The following SORCS1 variants were observed in gnomAD, a reference collection of about 807,000 sequenced individuals.
SORCS1 encodes the protein sortilin related VPS10 domain containing receptor 1, also known as VPS10 domain-containing receptor SorCS1.
SORCS1 carries 60 observed loss-of-function variants against 146.1 expected under a neutral mutation model. The ratio of observed to expected loss-of-function variants is 0.41; its 90% CI spans 0.33 to 0.51. SORCS1 has a LOEUF of 0.51. Ranked by LOEUF, SORCS1 falls within the 20% of genes least tolerant of loss-of-function variation. The pLI is 0.21. For missense variants in SORCS1, 1,352 were observed against 1,487.6 expected, an observed-to-expected ratio of 0.91 and a Z score of 1.50; for synonymous variants, 637 against 584.0, an observed-to-expected ratio of 1.09 and a Z score of -1.31.
intron 1 of SORCS1, among the ~76,000 whole-genome samples, chr10:107,117,179 A>T (rs1355019455): frequency 6.6e-6 from 1 of 152,222 alleles, no homozygotes; most frequent in Non-Finnish European, 1.5e-5. Flanking sequence ...GAAGATTAAT[A>T]TGGGTGTGAA....
chr10:107,128,614 C>CTT (rs1966839418), intron 1 of SORCS1, among the ~76,000 whole-genome samples: 1 of 152,206 alleles, frequency 6.6e-6, no homozygotes, highest in East Asian at 1.9e-4. Context: ...AACACTCAAA[C>CTT]ACACACCTGA....
intron 1 of SORCS1, among the ~76,000 whole-genome samples, chr10:107,084,082 GTTGTTTT>G (rs1452565825): frequency 5.1e-5 from 7 of 136,550 alleles, no homozygotes; most frequent in South Asian, 2.4e-4. Flanking sequence ...GGTTATTTTT[GTTGTTTT>G]TTGTTTTTTT....
Position 106,577,236 on chromosome 10 carries a change from G to A in SORCS1, c.*184C>T. The A allele has an allele frequency of 6.3e-7, 1 of 1,590,412 alleles. No homozygotes were observed. Among genetic ancestry groups the A allele is most frequent in the Non-Finnish European group, 8.6e-7 (1 of 1,165,674 alleles). ...CGTCCTCCATTCAAACATTTACATA[G>A]GTAGGGATTTCTTTTGTGCTTTGAT... On this transcript the variant is annotated 3_prime_UTR_variant, in exon 26 of 26. Coordinates refer to ENST00000263054, the MANE Select transcript of SORCS1 (RefSeq NM_052918.5).
In SORCS1 at chr10:106,672,946, C is replaced by T; in HGVS notation, c.1980G>A (p.Leu660=). 2 of 1,614,052 alleles carry T rather than the reference C, an allele frequency of 1.2e-6. No individual in the cohort carries two copies. Among genetic ancestry groups the T allele is most frequent in the Non-Finnish European group, 1.7e-6 (2 of 1,180,008 alleles). The part of the protein sequence containing the change: ...GHFSHRSEWQ[L]VKVDYKSIFD... ...AAATGGACTTGTAATCTACTTTGAC[C>T]AGCTGCCATTCAGAGCGGTGGCTGA... Residue 660 remains leucine, a synonymous_variant, in exon 15 of 26, where the codon CTG becomes CTA. Coordinates refer to ENST00000263054, the MANE Select transcript of SORCS1 (RefSeq NM_052918.5).
intron 3 of SORCS1, among the ~76,000 whole-genome samples, chr10:106,795,447 T>C (rs1045717523): frequency 2.0e-5 from 3 of 152,164 alleles, no homozygotes; most frequent in Non-Finnish European, 4.4e-5. Context: ...AGAATTTCTG[T>C]AAGGTTTAGA....
chr10:106,981,575 A>T (rs1462477892), intron 1 of SORCS1, among the ~76,000 whole-genome samples: 2 of 152,224 alleles, frequency 1.3e-5, no homozygotes, highest in African/African-American at 4.8e-5. Flanking sequence ...TTCAAAATAG[A>T]GCACAGAGGC....
intron 3 of SORCS1, among the ~76,000 whole-genome samples, chr10:106,828,752 C>A (rs901361333): frequency 1.3e-5 from 2 of 152,166 alleles, no homozygotes; most frequent in African/African-American, 4.8e-5. Flanking sequence ...TACCACTCCC[C>A]TTCAGGGACA....
At chr10:106,581,035 T>A (rs184983329) in intron 24 of SORCS1, among the ~76,000 whole-genome samples, 2 of 152,262 alleles carry the variant, frequency 1.3e-5, no homozygotes, top group Admixed American at 6.5e-5. Flanking sequence ...CAAGGCAAAT[T>A]TTCTTTTGGT....
chr10:107,029,807 T>C (rs1344502523), intron 1 of SORCS1, among the ~76,000 whole-genome samples: 2 of 152,226 alleles, frequency 1.3e-5, no homozygotes, highest in Admixed American at 6.5e-5. Flanking sequence ...ATCCAAGTTT[T>C]AGGTTGGCAG....
chr10:106,776,616 T>G lies in SORCS1; in HGVS notation c.803A>C (p.Tyr268Ser). ...SSDEGATYQK[Y>S]RLNFYIQSLL... ...GCTTTGAATGTAGAAGTTCAGCCGGTACTTTTGATAAGTTGCCCCTTCATC... is the reference window on the plus strand; with the variant it reads ...GCTTTGAATGTAGAAGTTCAGCCGGGACTTTTGATAAGTTGCCCCTTCATC... Residue 268 changes from tyrosine to serine, a missense_variant, in exon 4 of 26, where the codon TAC (tyrosine) becomes TCC (serine). Physicochemically the swap from Tyr to Ser is moderately radical, Grantham distance 144. Coordinates refer to ENST00000263054, the MANE Select transcript of SORCS1 (RefSeq NM_052918.5). The G allele has an allele frequency of 6.2e-7, 1 of 1,614,114 alleles. No homozygotes were observed. Among genetic ancestry groups the G allele is most frequent in the Non-Finnish European group, 8.5e-7 (1 of 1,179,962 alleles).
At chr10:106,594,603 A>G (rs1845799627) in intron 24 of SORCS1, among the ~76,000 whole-genome samples, 1 of 152,210 alleles carries the variant, frequency 6.6e-6, no homozygotes, top group South Asian at 2.1e-4. Flanking sequence ...GAATGGGAGA[A>G]ATAGGGTTAG....
At chr10:106,875,691 A>C (rs1950566518) in intron 2 of SORCS1, among the ~76,000 whole-genome samples, 1 of 152,136 alleles carries the variant, frequency 6.6e-6, no homozygotes, top group Non-Finnish European at 1.5e-5. Context: ...CCATGGCTGT[A>C]ATTTGCATTT....
At chr10:106,682,463 A>C (rs1366547147) in intron 10 of SORCS1, among the ~76,000 whole-genome samples, 1 of 152,208 alleles carries the variant, frequency 6.6e-6, no homozygotes, top group Non-Finnish European at 1.5e-5. Context: ...TTAAGGAAAA[A>C]ACAGTGTGAA....
At chr10:106,859,127 G>A (rs993263612) in intron 2 of SORCS1, among the ~76,000 whole-genome samples, 2 of 152,322 alleles carry the variant, frequency 1.3e-5, no homozygotes, top group African/African-American at 2.4e-5. Context: ...CATAGGGCAC[G>A]TATTCCTTCT....
chr10:106,599,613 T>G (rs1472267743), intron 23 of SORCS1, among the ~76,000 whole-genome samples: 1 of 151,946 alleles, frequency 6.6e-6, no homozygotes, highest in East Asian at 1.9e-4. Flanking sequence ...AAAAAATATT[T>G]TTTATTCAAA....
intron 6 of SORCS1, among the ~76,000 whole-genome samples, chr10:106,726,185 C>CTTTT (rs1169402270): frequency 7.5e-5 from 5 of 66,294 alleles, no homozygotes; most frequent in Non-Finnish European, 1.4e-4. Context: ...CTTTCCCTCT[C>CTTTT]TTTTTTTTTT....
intron 2 of SORCS1, among the ~76,000 whole-genome samples, chr10:106,869,954 G>T (rs1336539919): frequency 6.8e-6 from 1 of 147,046 alleles, no homozygotes; most frequent in Non-Finnish European, 1.5e-5. Flanking sequence ...CATAATTTTG[G>T]CCCCAAAGCT....
At chr10:107,020,113 C>G (rs1737389583) in intron 1 of SORCS1, among the ~76,000 whole-genome samples, 1 of 152,142 alleles carries the variant, frequency 6.6e-6, no homozygotes, top group Admixed American at 6.5e-5. Flanking sequence ...GTGCTTTTAC[C>G]TCAAATTATC....
At chr10:106,729,963 C>T in intron 6 of SORCS1, 87 bp downstream of exon 6, 1 of 1,486,570 alleles carries the variant, frequency 6.7e-7, no homozygotes, top group East Asian at 2.3e-5. Flanking sequence ...TCTGCATACA[C>T]CATGAGATTA....
Sources: allele counts gnomAD v4.1 joint callset (sites outside exome capture counted in the v4.1 genomes callset), GRCh38; gene constraint gnomAD v4.1.1; transcripts MANE v1.5; gene names NCBI Gene and HGNC (gene_info 2026-07-23, HGNC 2026-07-21).